The following PTPRD variants were observed in gnomAD, a reference collection of about 807,000 sequenced individuals.
PTPRD encodes receptor-type tyrosine-protein phosphatase delta.
A neutral mutation model predicts 214.5 loss-of-function variants in PTPRD; 34 were observed. That is an observed-to-expected ratio of 0.16 (90% CI 0.12 to 0.21). PTPRD has a LOEUF of 0.21. PTPRD is among the 10% of genes least tolerant of loss of function. The pLI, the probability that PTPRD is intolerant of heterozygous loss-of-function variation, is 1.00. For synonymous variants in PTPRD, 1,128 were observed against 845.7 expected, an observed-to-expected ratio of 1.33 and a Z score of -5.79; for missense variants, 2,545 against 2,398.7, an observed-to-expected ratio of 1.06 and a Z score of -1.27.
intron 11 of PTPRD, among the ~76,000 whole-genome samples, chr9:8,767,846 C>T (rs1016393166): frequency 6.6e-6 from 1 of 151,764 alleles, no homozygotes; most frequent in Non-Finnish European, 1.5e-5. Context: ...AGTATGGTCT[C>T]ATTTAAGTTA....
At chr9:9,284,060 C>G (rs1948624912) in intron 9 of PTPRD, among the ~76,000 whole-genome samples, 2 of 151,664 alleles carry the variant, frequency 1.3e-5, no homozygotes, top group South Asian at 4.1e-4. Flanking sequence ...TACAATATCT[C>G]TAACACTAAG....
chr9:10,291,226 G>T (rs1028901320), intron 3 of PTPRD, among the ~76,000 whole-genome samples: 2 of 151,524 alleles, frequency 1.3e-5, no homozygotes, highest in Non-Finnish European at 2.9e-5. Flanking sequence ...CCTAAAAAGA[G>T]CAGCCATCAT....
intron 5 of PTPRD, among the ~76,000 whole-genome samples, chr9:9,830,014 C>T (rs2054288540): frequency 1.3e-5 from 2 of 151,622 alleles, no homozygotes; most frequent in Admixed American, 6.6e-5. Flanking sequence ...GTTAATAGTT[C>T]CATGTGGTAT....
At chr9:10,454,137 C>G (rs1449602862) in intron 2 of PTPRD, among the ~76,000 whole-genome samples, 1 of 151,594 alleles carries the variant, frequency 6.6e-6, no homozygotes, top group Non-Finnish European at 1.5e-5. Flanking sequence ...ACCTACTAAA[C>G]TGTAATCAAC....
intron 37 of PTPRD, among the ~76,000 whole-genome samples, chr9:8,386,068 T>C (rs577790372): frequency 6.6e-6 from 1 of 152,224 alleles, no homozygotes; most frequent in Non-Finnish European, 1.5e-5. Flanking sequence ...ACAATACCAT[T>C]TGAGACTCAC....
intron 4 of PTPRD, among the ~76,000 whole-genome samples, chr9:9,950,318 C>G (rs1324376846): frequency 6.6e-6 from 1 of 152,142 alleles, no homozygotes; most frequent in Admixed American, 6.5e-5. Flanking sequence ...GTGGGGAGTT[C>G]ATTTCCCAAG....
At chr9:8,787,946 A>G (rs2096060990) in intron 11 of PTPRD, among the ~76,000 whole-genome samples, 1 of 152,164 alleles carries the variant, frequency 6.6e-6, no homozygotes, top group Non-Finnish European at 1.5e-5. Flanking sequence ...CCTATCTACA[A>G]GTGTTATTTA....
chr9:8,603,137 C>A (rs1346538295), intron 14 of PTPRD, among the ~76,000 whole-genome samples: 2 of 152,116 alleles, frequency 1.3e-5, no homozygotes, highest in African/African-American at 4.8e-5. Context: ...TAATCCTTAC[C>A]AGAAACTAAT....
chr9:8,854,363 C>G (rs1220287197), intron 11 of PTPRD, among the ~76,000 whole-genome samples: 1 of 152,132 alleles, frequency 6.6e-6, no homozygotes, highest in Admixed American at 6.6e-5. Flanking sequence ...AAAATGAAGT[C>G]ATCTTTGAAA....
intron 37 of PTPRD, among the ~76,000 whole-genome samples, chr9:8,388,093 C>A (rs935746752): frequency 1.3e-5 from 2 of 152,104 alleles, no homozygotes; most frequent in African/African-American, 4.8e-5. Flanking sequence ...TTTGCTAAAC[C>A]AACCATTTAT....
At chr9:10,298,706 G>C (rs532977855) in intron 3 of PTPRD, among the ~76,000 whole-genome samples, 27 of 151,604 alleles carry the variant, frequency 1.8e-4, no homozygotes, top group Non-Finnish European at 2.8e-4. Context: ...ATATACACAG[G>C]TATGTATATA....
chr9:9,740,780 G>A (rs919729349), intron 6 of PTPRD, among the ~76,000 whole-genome samples: 5 of 152,114 alleles, frequency 3.3e-5, no homozygotes, highest in African/African-American at 1.2e-4. Flanking sequence ...AGTATTACAT[G>A]TTAAAGTAAA....
chr9:9,449,303 T>G (rs558030437), intron 8 of PTPRD, among the ~76,000 whole-genome samples: 2 of 152,142 alleles, frequency 1.3e-5, no homozygotes, highest in African/African-American at 4.8e-5. Flanking sequence ...TTTTTATTAA[T>G]GTAAGATTAT....
chr9:9,304,300 T>A (rs1956403222), intron 9 of PTPRD, among the ~76,000 whole-genome samples: 1 of 152,132 alleles, frequency 6.6e-6, no homozygotes. Context: ...AAAATAAGTT[T>A]GTAATTTTGA....
intron 11 of PTPRD, among the ~76,000 whole-genome samples, chr9:8,952,739 T>C (rs2099109658): frequency 6.6e-6 from 1 of 152,012 alleles, no homozygotes; most frequent in African/African-American, 2.4e-5. Flanking sequence ...AAGATTTTCA[T>C]GAAAGATTGA....
chr9:10,558,224 A>G (rs2063068502), intron 2 of PTPRD, among the ~76,000 whole-genome samples: 1 of 152,170 alleles, frequency 6.6e-6, no homozygotes, highest in Non-Finnish European at 1.5e-5. Flanking sequence ...ATTTAAGACT[A>G]TGCTAATACA....
intron 10 of PTPRD, chr9:9,090,949 G>T (rs879175707): frequency 6.4e-7 from 1 of 1,571,828 alleles, no homozygotes; most frequent in East Asian, 2.2e-5. Context: ...CTGCGGCCAC[G>T]TGCAGCCTAT....
chr9:8,411,536 T>G (rs1222549859), intron 35 of PTPRD, among the ~76,000 whole-genome samples: 2 of 152,194 alleles, frequency 1.3e-5, no homozygotes, highest in Admixed American at 1.3e-4. Flanking sequence ...ACTCATGACC[T>G]TAAGTGATCC....
intron 11 of PTPRD, among the ~76,000 whole-genome samples, chr9:8,891,901 T>C (rs1484183961): frequency 6.6e-6 from 1 of 152,210 alleles, no homozygotes; most frequent in Non-Finnish European, 1.5e-5. Context: ...ATGTCTCTTG[T>C]ATAAGACTTA....
Sources: allele counts gnomAD v4.1 joint callset (sites outside exome capture counted in the v4.1 genomes callset), GRCh38; gene constraint gnomAD v4.1.1; transcripts MANE v1.5; gene names NCBI Gene and HGNC (gene_info 2026-07-23, HGNC 2026-07-21).